The following PLEKHH2 variants were observed in gnomAD, a reference collection of about 807,000 sequenced individuals.
The protein encoded by PLEKHH2 is pleckstrin homology domain-containing family H member 2.
A neutral mutation model predicts 187.9 loss-of-function variants in PLEKHH2; 129 were observed. That is an observed-to-expected ratio of 0.69 (90% CI 0.59 to 0.79). The LOEUF is 0.79. PLEKHH2 is among the 30% of genes least tolerant of loss of function. The pLI is 0.00. For missense variants in PLEKHH2, 2,076 were observed against 1,751.2 expected (o/e 1.19, Z -3.31); for synonymous variants, 686 against 605.6 (o/e 1.13, Z -1.95).
At chr2:43,643,589 A>G (rs1479159099) in intron 1 of PLEKHH2, among the ~76,000 whole-genome samples, 3 of 152,042 alleles carry the variant, frequency 2.0e-5, no homozygotes, top group Admixed American at 1.3e-4. Context: ...ATGTGGTTAT[A>G]TTTTTAGAAA....
At chr2:43,684,713 G>A (rs1668409113) in intron 3 of PLEKHH2, among the ~76,000 whole-genome samples, 1 of 150,296 alleles carries the variant, frequency 6.7e-6, no homozygotes, top group Non-Finnish European at 1.5e-5. Flanking sequence ...CTTTGAAGTT[G>A]TTCTTTGAGG....
At chr2:43,680,344 A>G (rs1668105879) in intron 3 of PLEKHH2, 1 of 148,426 alleles carries the variant, frequency 6.7e-6, no homozygotes, top group Admixed American at 6.8e-5. Flanking sequence ...CCTTGATTTG[A>G]TCATTACACA....
chr2:43,758,136 G>A (rs963226872), intron 26 of PLEKHH2, among the ~76,000 whole-genome samples: 1 of 152,186 alleles, frequency 6.6e-6, no homozygotes, highest in Non-Finnish European at 1.5e-5. Flanking sequence ...TGTAGAATAA[G>A]TGCTTGCCTT....
intron 3 of PLEKHH2, chr2:43,679,527 G>A (rs1572540509): frequency 3.7e-6 from 1 of 271,814 alleles, no homozygotes. Context: ...ACGGAATCTT[G>A]CTCTGTGGCC....
chr2:43,739,267 A>G (rs1442655317), intron 20 of PLEKHH2, among the ~76,000 whole-genome samples: 1 of 152,074 alleles, frequency 6.6e-6, no homozygotes, highest in African/African-American at 2.4e-5. Context: ...CTTCAACAAC[A>G]TTCAGTATAT....
intron 9 of PLEKHH2, 88 bp from the exon 10 acceptor site, chr2:43,706,234 A>G: frequency 1.1e-6 from 1 of 894,908 alleles, no homozygotes; most frequent in South Asian, 1.4e-5. Flanking sequence ...TTTTAAATGG[A>G]GATTATGCTC....
intron 19 of PLEKHH2, among the ~76,000 whole-genome samples, 170 bp from the exon 20 acceptor site, chr2:43,738,171 G>C (rs1018598006): frequency 2.6e-5 from 4 of 152,178 alleles, no homozygotes; most frequent in East Asian, 1.9e-4. Flanking sequence ...AATCTGCTTT[G>C]TCTGCTATTA....
At chr2:43,638,121 G>A (rs1703200946) in intron 1 of PLEKHH2, among the ~76,000 whole-genome samples, 1 of 152,126 alleles carries the variant, frequency 6.6e-6, no homozygotes, top group Non-Finnish European at 1.5e-5. Context: ...TATGTAGTGA[G>A]GAGCTCGGCT....
chr2:43,640,014 T>C (rs1412870847), intron 1 of PLEKHH2, among the ~76,000 whole-genome samples: 1 of 151,194 alleles, frequency 6.6e-6, no homozygotes, highest in African/African-American at 2.4e-5. Context: ...TTCTACTCTT[T>C]GGCTATCATG....
In PLEKHH2 at chr2:43,753,698, A is replaced by G. The variant is rs1159245164; in HGVS notation, c.3733A>G (p.Ile1245Val). 3.8e-6 allele frequency: 6 copies of G among 1,587,126 alleles called. No individual in the cohort carries two copies. Among genetic ancestry groups the G allele is most frequent in the Non-Finnish European group, 5.1e-6 (6 of 1,170,368 alleles). The change falls in exon 25 of 30, where the codon ATA (isoleucine) becomes GTA (valine). Residue 1245 changes from isoleucine to valine, a missense_variant. Coordinates refer to ENST00000282406, the MANE Select transcript of PLEKHH2 (RefSeq NM_172069.4). Reference protein sequence around the residue: ...LLMYQTNDQIINGLFPLNKDL... With the variant: ...LLMYQTNDQIVNGLFPLNKDL... ...AATGTATCAGACAAATGATCAAATC[A>G]TAAATGGACTTTTTCCTCTGAACAA...
chr2:43,655,259 T>C (rs1445809076), intron 2 of PLEKHH2, among the ~76,000 whole-genome samples: 1 of 151,930 alleles, frequency 6.6e-6, no homozygotes, highest in Non-Finnish European at 1.5e-5. Context: ...AACTGGAATG[T>C]GGCAAGGAAA....
At chr2:43,744,266 T>C (rs1413930365) in intron 23 of PLEKHH2, 3 of 537,180 alleles carry the variant, frequency 5.6e-6, no homozygotes, top group Non-Finnish European at 7.8e-6. Context: ...GGTAGATATG[T>C]AGAAGTGCTA....
chr2:43,692,737 G>C, intron 4 of PLEKHH2, 74 bp downstream of exon 4: 3 of 1,471,690 alleles, frequency 2.0e-6, no homozygotes, highest in Non-Finnish European at 2.8e-6. Flanking sequence ...TAAAAAGAGA[G>C]AGCCTAAATT....
chr2:43,673,712 G>T (rs1363588508), intron 2 of PLEKHH2, among the ~76,000 whole-genome samples: 2 of 152,188 alleles, frequency 1.3e-5, no homozygotes, highest in Admixed American at 6.5e-5. Context: ...TGTGAAATAA[G>T]TGTTGTATCA....
At chr2:43,738,272 C>G (rs1045560060) in intron 19 of PLEKHH2, 69 bp from the exon 20 acceptor site, 1 of 1,260,630 alleles carries the variant, frequency 7.9e-7, no homozygotes, top group Admixed American at 2.4e-5. Context: ...AAAAGATATT[C>G]GATATAATTC....
Position 43,750,985 on chromosome 2 carries a change from C to G in PLEKHH2, c.3654-2634C>G, listed in dbSNP as rs187774098. 5.9e-5 allele frequency among the ~76,000 whole-genome samples: 9 copies of G among 152,314 alleles called. No homozygotes were observed. The East Asian group carries it at 1.5e-3, about 26-fold the overall frequency. On this transcript the variant is annotated intron_variant, in intron 24 of 29. Transcript: ENST00000282406. ...GTGAAGAACATGGGCTGGAGACAGG[C>G]TGCCTGGGTTAGAATCCTGGCTCTA...
rs577242401 is a variant in PLEKHH2, at chr2:43,757,607, A to T, written c.3941+343A>T. Among the ~76,000 whole-genome samples the T allele has an allele frequency of 3.3e-5, 5 of 151,920 alleles. No individual in the cohort carries two copies. In the East Asian group the frequency reaches 7.7e-4, roughly 24 times the overall value. ...CTAATTTATTGTATTTTTAGTAGAG[A>T]TGGGGTTTCACCGTGTTAGCCAGGA... On this transcript the variant is annotated intron_variant, in intron 26 of 29. Coordinates refer to ENST00000282406, the MANE Select transcript of PLEKHH2 (RefSeq NM_172069.4).
chr2:43,646,495 G>A (rs956605542), intron 2 of PLEKHH2, among the ~76,000 whole-genome samples: 4 of 152,102 alleles, frequency 2.6e-5, no homozygotes, highest in African/African-American at 7.2e-5. Context: ...TTCTGTACTC[G>A]TTTGGCTTCC....
intron 25 of PLEKHH2, among the ~76,000 whole-genome samples, chr2:43,756,544 A>G (rs1672217385): frequency 2.0e-5 from 3 of 152,240 alleles, no homozygotes; most frequent in Admixed American, 2.0e-4. Flanking sequence ...CTTGCAGACA[A>G]TAACAAAGTA....
Sources: allele counts gnomAD v4.1 joint callset (sites outside exome capture counted in the v4.1 genomes callset), GRCh38; gene constraint gnomAD v4.1.1; transcripts MANE v1.5; gene names NCBI Gene and HGNC (gene_info 2026-07-23, HGNC 2026-07-21).